The following SLC35F5 variants were observed in gnomAD, a reference collection of about 807,000 sequenced individuals.
The protein encoded by SLC35F5 is HCV NS5A-transactivated protein 3.
A neutral mutation model predicts 68.6 loss-of-function variants in SLC35F5; 54 were observed. That is an observed-to-expected ratio of 0.79 (90% CI 0.63 to 0.99). The LOEUF (loss-of-function observed/expected upper bound fraction) is 0.99. SLC35F5 is among the 50% of genes least tolerant of loss of function. SLC35F5 has a pLI of 0.00. For missense variants in SLC35F5, 567 were observed against 626.9 expected, an observed-to-expected ratio of 0.90 and a Z score of 1.02; for synonymous variants, 211 against 205.2, an observed-to-expected ratio of 1.03 and a Z score of -0.24.
intron 4 of SLC35F5, among the ~76,000 whole-genome samples, chr2:113,748,328 G>T (rs1316378588): frequency 6.6e-6 from 1 of 151,940 alleles, no homozygotes; most frequent in African/African-American, 2.4e-5. Context: ...ACCACGACTG[G>T]CTAATTTTTT....
At position 113,723,149 on chromosome 2, in the gene SLC35F5, G is replaced by C. The variant is rs773389335; in HGVS notation, c.1296C>G (p.Ser432Arg). The change falls in exon 13 of 16, where the codon AGC becomes AGG. Residue 432 changes from serine (S) to arginine (R), a missense_variant. Transcript: ENST00000245680. The stretch of plus-strand genomic sequence containing the variant: ...CTATTATGGACAGAGGTATTGTAAG[G>C]CTTAGTGCAAGTGTGCCTATCAATG... ...TSSLIGTLAL[S>R]LTIPLSIIAD... 1.3e-6 allele frequency: 2 copies of C among 1,594,080 alleles called. No homozygotes were observed. The highest frequency in any genetic ancestry group is 4.5e-5 in the East Asian group (2 of 44,060).
chr2:113,731,679 T>C, intron 9 of SLC35F5, 31 bp from the exon 10 acceptor site: 1 of 1,542,192 alleles, frequency 6.5e-7, no homozygotes, highest in Non-Finnish European at 9.0e-7. Flanking sequence ...AATGATGAGC[T>C]AAAGAATTCT....
chr2:113,745,986 T>G (rs1042273176), intron 5 of SLC35F5, among the ~76,000 whole-genome samples: 3 of 152,194 alleles, frequency 2.0e-5, no homozygotes, highest in African/African-American at 7.2e-5. Context: ...AATAATAATG[T>G]GCATGAAGTG....
intron 13 of SLC35F5, among the ~76,000 whole-genome samples, chr2:113,721,971 C>CTT (rs71297192): frequency 0.11 from 11,288 of 107,458 alleles, 761 homozygotes; most frequent in Non-Finnish European, 0.13. Context: ...TTGCTTTTAT[C>CTT]TTTTTTTTTT....
rs1324670524 is a variant in SLC35F5, at chr2:113,725,274, A to C, written c.1250+104T>G. On this transcript the variant is annotated intron_variant, in intron 12 of 15. Transcript: ENST00000245680. ...GTATTCAGTTGTATGTGTGTTGCAGAATGGGGTGCACAGGAAGGGCCACCA... is the reference window on the plus strand; with the variant it reads ...GTATTCAGTTGTATGTGTGTTGCAGCATGGGGTGCACAGGAAGGGCCACCA... 21 of 1,007,626 alleles carry C rather than the reference A, an allele frequency of 2.1e-5. No individual in the cohort carries two copies. The African/African-American group carries it at 2.8e-4, about 14-fold the overall frequency. The allele number at this position is 1,007,626 out of a possible 1,614,324, so 62.4% of individuals were successfully genotyped here. A position where few individuals can be genotyped will look rare whatever the true frequency, so the allele number is the denominator to read the frequency against.
At chr2:113,739,467 A>G (rs1574250783) in intron 7 of SLC35F5, among the ~76,000 whole-genome samples, 1 of 152,198 alleles carries the variant, frequency 6.6e-6, no homozygotes, top group South Asian at 2.1e-4. Context: ...TATTCCTCTG[A>G]CTTCCCAAAG....
At chr2:113,754,151 G>A (rs1442112826) in intron 3 of SLC35F5, among the ~76,000 whole-genome samples, 5 of 151,934 alleles carry the variant, frequency 3.3e-5, no homozygotes, top group Non-Finnish European at 5.9e-5. Flanking sequence ...TTAGCCTGGC[G>A]TGGTGGGGTG....
In SLC35F5 at chr2:113,710,782, A is replaced by G. The variant is rs185848582; in HGVS notation, c.*4436T>C. On this transcript the variant is annotated 3_prime_UTR_variant, in exon 16 of 16. Coordinates refer to ENST00000245680, the MANE Select transcript of SLC35F5 (RefSeq NM_025181.5). ...GAGACCCCATCTCAAAAAAAAAAAA[A>G]GAATTTCATCTCATGTCAAAAATAA... is the stretch of plus-strand genomic sequence containing the variant. 0.1 allele frequency among the ~76,000 whole-genome samples: 15,604 copies of G among 151,906 alleles called. 893 individuals carry two copies. The highest frequency in any genetic ancestry group is 0.13 in the Non-Finnish European group (8,663 of 67,918).
intron 10 of SLC35F5, among the ~76,000 whole-genome samples, chr2:113,731,323 A>G (rs546150903): frequency 4.6e-5 from 7 of 151,734 alleles, no homozygotes; most frequent in Non-Finnish European, 7.4e-5. Context: ...TATAGATAAC[A>G]GTATCATAAT....
chr2:113,735,753 G>C, intron 8 of SLC35F5, 24 bp downstream of exon 8: 3 of 1,508,112 alleles, frequency 2.0e-6, no homozygotes, highest in Non-Finnish European at 2.7e-6. Flanking sequence ...TTATAATGCA[G>C]ATTTTTAAAG....
intron 1 of SLC35F5, 194 bp from the exon 2 acceptor site, chr2:113,755,738 T>TA: frequency 9.3e-7 from 1 of 1,076,010 alleles, no homozygotes; most frequent in South Asian, 1.4e-5. Flanking sequence ...CTTAGAGAGA[T>TA]ACGCGATACG....
chr2:113,734,589 A>G lies in SLC35F5; in HGVS notation c.917T>C (p.Leu306Ser). ...AGCTATCACACTATATGCTTACCTT[A>G]AAATTACAGCTAATAGTTTAGAAAG... ...FTLSKLLAVI[L>S]SIGGVVLVNL... Residue 306 changes from leucine to serine, a missense_variant, in exon 9 of 16, where the codon TTA (leucine) becomes TCA (serine). By Grantham distance (145) the Leu-to-Ser change is moderately radical. Coordinates refer to ENST00000245680, the MANE Select transcript of SLC35F5 (RefSeq NM_025181.5). The G allele has an allele frequency of 2.6e-6, 4 of 1,556,526 alleles. No homozygotes were observed. The highest frequency in any genetic ancestry group is 3.5e-6 in the Non-Finnish European group (4 of 1,132,952).
At chr2:113,749,520 A>T (rs1676651042) in intron 4 of SLC35F5, among the ~76,000 whole-genome samples, 1 of 152,198 alleles carries the variant, frequency 6.6e-6, no homozygotes, top group African/African-American at 2.4e-5. Flanking sequence ...TAATAATTTT[A>T]AAAAGGATGT....
rs111740950 is a variant in SLC35F5, at chr2:113,756,314, G to C, written c.40+56C>G. ...GGGCAGGAGGTGGTGCTGCTGGTGGGCACTCCGTCCCGGTTTGGGCTCCGG... is the reference window on the plus strand; with the variant it reads ...GGGCAGGAGGTGGTGCTGCTGGTGGCCACTCCGTCCCGGTTTGGGCTCCGG... On this transcript the variant is annotated intron_variant, in intron 1 of 15. Coordinates refer to ENST00000245680, the MANE Select transcript of SLC35F5 (RefSeq NM_025181.5). The C allele has an allele frequency of 9.0e-6, 14 of 1,551,434 alleles. No homozygotes were observed. The African/African-American group carries it at 1.4e-4, about 15-fold the overall frequency.
At chr2:113,735,909 C>G (rs747140737) in intron 7 of SLC35F5, 51 bp from the exon 8 acceptor site, 1 of 1,124,312 alleles carries the variant, frequency 8.9e-7, no homozygotes, top group Non-Finnish European at 1.3e-6. Context: ...ATGTTTACAT[C>G]TGTCATTACA....
At chr2:113,740,687 C>T (rs1238132609) in intron 7 of SLC35F5, among the ~76,000 whole-genome samples, 3 of 151,948 alleles carry the variant, frequency 2.0e-5, no homozygotes, top group Non-Finnish European at 2.9e-5. Flanking sequence ...AGTACGGTGG[C>T]GCCGTATCGG....
Position 113,728,422 on chromosome 2 carries a change from G to A in SLC35F5, c.1090+979C>T, listed in dbSNP as rs558308750. 4.9e-4 allele frequency among the ~76,000 whole-genome samples: 75 copies of A among 152,290 alleles called. No individual in the cohort carries two copies. In the South Asian group the frequency reaches 0.01, roughly 21 times the overall value. ...CTCAAAGTGCTGGGATCACAGGCGT[G>A]AGCCACAATGCCCAGCCATAAGAAA... On this transcript the variant is annotated intron_variant, in intron 11 of 15. Transcript: ENST00000245680.
At chr2:113,726,915 C>T (rs191121283) in intron 11 of SLC35F5, among the ~76,000 whole-genome samples, 273 of 152,272 alleles carry the variant, frequency 1.8e-3, no homozygotes, top group Admixed American at 3.5e-3. Flanking sequence ...GAACTCCCCA[C>T]AAAAAATCAC....
chr2:113,751,204 T>C (rs1423680517), intron 3 of SLC35F5, among the ~76,000 whole-genome samples: 2 of 152,024 alleles, frequency 1.3e-5, no homozygotes, highest in South Asian at 2.1e-4. Context: ...GAGCTTAACA[T>C]CTAATAGAGG....
Sources: allele counts gnomAD v4.1 joint callset (sites outside exome capture counted in the v4.1 genomes callset), GRCh38; gene constraint gnomAD v4.1.1; transcripts MANE v1.5; gene names NCBI Gene and HGNC (gene_info 2026-07-23, HGNC 2026-07-21).